The following ANK2 variants were observed in gnomAD, a reference collection of about 807,000 sequenced individuals.
ANK2 encodes ankyrin-2.
A neutral mutation model predicts 360.5 loss-of-function variants in ANK2; 83 were observed. The ratio of observed to expected loss-of-function variants is 0.23; its 90% CI spans 0.19 to 0.28. ANK2 has a LOEUF of 0.28. ANK2 is among the 10% of genes least tolerant of loss of function. The pLI is 1.00. For synonymous variants in ANK2, 1,740 were observed against 1,759.5 expected, an observed-to-expected ratio of 0.99 and a Z score of 0.28; for missense variants, 4,201 against 4,795.7, an observed-to-expected ratio of 0.88 and a Z score of 3.66.
intron 13 of ANK2, among the ~76,000 whole-genome samples, chr4:113,263,794 T>G (rs538898963): frequency 6.6e-6 from 1 of 152,364 alleles, no homozygotes; most frequent in African/African-American, 2.4e-5. Flanking sequence ...TTCCAATATC[T>G]TATTCTAACT....
intron 1 of ANK2, among the ~76,000 whole-genome samples, chr4:113,091,982 T>C (rs1457368699): frequency 6.6e-6 from 1 of 152,220 alleles, no homozygotes; most frequent in Non-Finnish European, 1.5e-5. Flanking sequence ...TAAGGATTTA[T>C]AGTCATATGT....
At chr4:113,295,450 G>T (rs539779360) in intron 22 of ANK2, among the ~76,000 whole-genome samples, 58 of 152,270 alleles carry the variant, frequency 3.8e-4, no homozygotes, top group African/African-American at 1.4e-3. Context: ...TCTCTGGTTT[G>T]TCTCTAAATA....
chr4:113,092,047 T>C (rs2088520757), intron 1 of ANK2, among the ~76,000 whole-genome samples: 2 of 152,214 alleles, frequency 1.3e-5, no homozygotes, highest in Non-Finnish European at 2.9e-5. Context: ...GTAGAAACTG[T>C]GGATTTTCCT....
chr4:113,089,860 A>G (rs1421664724), intron 1 of ANK2, among the ~76,000 whole-genome samples: 1 of 152,186 alleles, frequency 6.6e-6, no homozygotes, highest in Non-Finnish European at 1.5e-5. Flanking sequence ...AAGCTGATAA[A>G]AAAATATATG....
At chr4:113,156,115 G>A in intron 1 of ANK2, among the ~76,000 whole-genome samples, 1 of 152,112 alleles carries the variant, frequency 6.6e-6, no homozygotes, top group East Asian at 1.9e-4. Context: ...ACATACAAGA[G>A]TTTTTATGGC....
At chr4:112,800,815 G>T in the ANK2 span, among the ~76,000 whole-genome samples, 1 of 152,016 alleles carries the variant, frequency 6.6e-6, no homozygotes, top group Non-Finnish European at 1.5e-5. Flanking sequence ...CCAATGCAGC[G>T]AGCTAATTTT....
chr4:112,973,431 T>A (rs530356656), intron 2 of ANK2, among the ~76,000 whole-genome samples: 1 of 152,352 alleles, frequency 6.6e-6, no homozygotes, highest in East Asian at 1.9e-4. Flanking sequence ...ATGGCAGAGT[T>A]AAGTCTTTGA....
Position 113,354,195 on chromosome 4 carries a change from C to T in ANK2, c.5577C>T (p.Pro1859=), listed in dbSNP as rs371557308. 2.3e-5 allele frequency: 37 copies of T among 1,613,704 alleles called. No individual in the cohort carries two copies. The African/African-American group carries it at 4.8e-4, about 21-fold the overall frequency. ...CTGAGAAACACTCACCTGTGTCACC[C>T]TCTGCAAAAACGGAAAGACATTCAC... ...SKTEKHSPVS[P]SAKTERHSPA... Residue 1859 remains proline (P), a synonymous_variant, in exon 38 of 46, where the codon CCC becomes CCT. Transcript: ENST00000357077.
chr4:112,845,927 A>G (rs986809701), intron 1 of ANK2, among the ~76,000 whole-genome samples: 3 of 152,188 alleles, frequency 2.0e-5, no homozygotes, highest in Non-Finnish European at 4.4e-5. Flanking sequence ...GGCGTGCCCA[A>G]CCAGATCCAG....
the ANK2 span, among the ~76,000 whole-genome samples, chr4:112,775,515 T>TCACACACACACACACACACA: frequency 0.068 from 7,972 of 117,974 alleles, 446 homozygotes; most frequent in Non-Finnish European, 0.084. Context: ...CTAAGCTCCA[T>TCACACACACACACACACACA]CACACACACA....
intron 20 of ANK2, among the ~76,000 whole-genome samples, chr4:113,290,909 T>C (rs750717491): frequency 2.0e-5 from 3 of 152,184 alleles, no homozygotes; most frequent in Non-Finnish European, 4.4e-5. Flanking sequence ...TAAACACTTC[T>C]GAATTGCTCC....
At position 112,985,850 on chromosome 4, in the gene ANK2, G is replaced by T. The variant is rs556350874; in HGVS notation, c.21+81336G>T. The stretch of plus-strand genomic sequence containing the variant: ...ACTTGGAGGAAAGGGTGAGATGGGG[G>T]TGAGGGATAAAAGACTACACATTGG... On this transcript the variant is annotated intron_variant, in intron 2 of 30. Coordinates refer to the ANK2 transcript ENST00000503271. 3.9e-5 allele frequency among the ~76,000 whole-genome samples: 6 copies of T among 152,006 alleles called. No individual in the cohort carries two copies. In the East Asian group the frequency reaches 1.2e-3, roughly 29 times the overall value.
At chr4:113,017,049 A>T (rs973235732) in intron 2 of ANK2, among the ~76,000 whole-genome samples, 2 of 152,258 alleles carry the variant, frequency 1.3e-5, no homozygotes, top group Non-Finnish European at 2.9e-5. Flanking sequence ...GGTATACCAC[A>T]TGCAAAAATG....
At chr4:113,001,840 C>T (rs987525418) in intron 2 of ANK2, among the ~76,000 whole-genome samples, 5 of 152,028 alleles carry the variant, frequency 3.3e-5, no homozygotes, top group African/African-American at 1.2e-4. Flanking sequence ...ATTATGACAG[C>T]GAATCTCAAC....
intron 4 of ANK2, among the ~76,000 whole-genome samples, chr4:113,207,542 A>G (rs1338260210): frequency 6.6e-6 from 1 of 152,182 alleles, no homozygotes; most frequent in Non-Finnish European, 1.5e-5. Flanking sequence ...CTACTCTGGT[A>G]GTAAATGGTT....
At chr4:112,998,709 T>C (rs1036307272) in intron 2 of ANK2, among the ~76,000 whole-genome samples, 5 of 152,362 alleles carry the variant, frequency 3.3e-5, no homozygotes, top group Non-Finnish European at 7.3e-5. Context: ...AGCAGATTCA[T>C]CTGCTGTGGG....
intron 2 of ANK2, among the ~76,000 whole-genome samples, chr4:112,936,140 T>C (rs76863276): frequency 0.016 from 2,475 of 152,328 alleles, 47 homozygotes; most frequent in African/African-American, 0.047. Flanking sequence ...TCTTTTTTCC[T>C]GAAGCATTGC....
rs564821893 is a variant in ANK2, at chr4:113,119,068, T to A, written c.85-55348T>A. ...AAAAGGTGCCAGTTGTTGTTGAGAA[T>A]CTCAGTTGCTTGGATGCTTCATTGC... On this transcript the variant is annotated intron_variant, in intron 1 of 45. Coordinates refer to ENST00000357077, the MANE Select transcript of ANK2 (RefSeq NM_001148.6). Among the ~76,000 whole-genome samples, 8 of 152,310 alleles carry A rather than the reference T, an allele frequency of 5.3e-5. No homozygotes were observed. In the East Asian group the frequency reaches 1.5e-3, roughly 29 times the overall value.
At chr4:113,162,393 C>G (rs2097568705) in intron 1 of ANK2, among the ~76,000 whole-genome samples, 1 of 152,118 alleles carries the variant, frequency 6.6e-6, no homozygotes, top group Non-Finnish European at 1.5e-5. Flanking sequence ...CATTAATGGT[C>G]TGGGCCCTAC....
Sources: allele counts gnomAD v4.1 joint callset (sites outside exome capture counted in the v4.1 genomes callset), GRCh38; gene constraint gnomAD v4.1.1; transcripts MANE v1.5; gene names NCBI Gene and HGNC (gene_info 2026-07-23, HGNC 2026-07-21).